RALGPS1: variants seen among roughly 807,000 people sequenced by gnomAD.
The protein encoded by RALGPS1 is ras-specific guanine nucleotide-releasing factor RalGPS1.
Under a neutral mutation model 78.8 loss-of-function variants are expected in RALGPS1, and 19 were observed. The observed-to-expected ratio is 0.24, with a 90% CI of 0.17 to 0.35. The LOEUF (loss-of-function observed/expected upper bound fraction) is 0.35. RALGPS1 is among the 10% of genes least tolerant of loss of function. The pLI, the probability that RALGPS1 is intolerant of heterozygous loss-of-function variation, is 1.00. For missense variants in RALGPS1, 454 were observed against 688.3 expected, an observed-to-expected ratio of 0.66 and a Z score of 3.81; for synonymous variants, 228 against 256.3, an observed-to-expected ratio of 0.89 and a Z score of 1.06.
intron 4 of RALGPS1, among the ~76,000 whole-genome samples, chr9:127,020,097 T>TC (rs1371672115): frequency 6.6e-6 from 1 of 152,180 alleles, no homozygotes; most frequent in African/African-American, 2.4e-5. Flanking sequence ...GATTTTTTTT[T>TC]CCGTCACTTT....
chr9:127,173,173 G>A (rs533491315), intron 10 of RALGPS1, among the ~76,000 whole-genome samples: 29 of 152,302 alleles, frequency 1.9e-4, no homozygotes, highest in African/African-American at 2.6e-4. Context: ...AAAGGCCTAT[G>A]TTGGAGTTTC....
At position 127,050,096 on chromosome 9, in the gene RALGPS1, G is replaced by A. The variant is rs200148598; in HGVS notation, c.354G>A (p.Arg118=). The A allele has an allele frequency of 1.5e-4, 237 of 1,613,848 alleles. No individual in the cohort carries two copies. The highest frequency in any genetic ancestry group is 1.7e-4 in the Non-Finnish European group (198 of 1,179,874). The change falls in exon 6 of 19, where the codon AGG becomes AGA. Residue 118 remains arginine, a synonymous_variant. Transcript: ENST00000259351. ...EILTAQTLKI[R]AEILSHFVKI... ...TAACAGCACAGACTTTAAAAATAAG[G>A]GCAGAAATCCTCAGCCATTTTGTGA... is the stretch of plus-strand genomic sequence containing the variant.
chr9:127,070,197 G>A lies in RALGPS1; in HGVS notation c.610+841G>A, dbSNP rs187279386. Among the ~76,000 whole-genome samples the A allele has an allele frequency of 7.9e-5, 12 of 152,256 alleles. 1 individual carries two copies. Among genetic ancestry groups the A allele is most frequent in the Non-Finnish European group, 1.6e-4 (11 of 68,022 alleles). ...ATGTGCAGTTCACAGTAGGGTTCGC[G>A]CTCCTATGAGAATCTAATGCTGCCA... is the stretch of plus-strand genomic sequence containing the variant. On this transcript the variant is annotated intron_variant, in intron 8 of 18. Coordinates refer to ENST00000259351, the MANE Select transcript of RALGPS1 (RefSeq NM_014636.3).
chr9:127,043,725 T>C (rs1156765830), intron 5 of RALGPS1, among the ~76,000 whole-genome samples: 1 of 152,140 alleles, frequency 6.6e-6, no homozygotes, highest in Non-Finnish European at 1.5e-5. Context: ...AGGAGTTGTA[T>C]CCAAAATTTA....
At position 127,212,510 on chromosome 9, in the gene RALGPS1, C is replaced by T; in HGVS notation, c.1354-117C>T. 1.2e-5 allele frequency: 9 copies of T among 746,454 alleles called. No individual in the cohort carries two copies. The highest frequency in any genetic ancestry group is 1.5e-5 in the Non-Finnish European group (7 of 465,840). 46.2% of individuals were successfully genotyped at this position (746,454 alleles called of 1,614,324 possible). ...GCATTGCCAGGGGGTGGTGGAGGGCCAGGGAAGAGATGGGGCCTGCACTGG... is the reference window on the plus strand; with the variant it reads ...GCATTGCCAGGGGGTGGTGGAGGGCTAGGGAAGAGATGGGGCCTGCACTGG... On this transcript the variant is annotated intron_variant, in intron 15 of 18. Coordinates refer to ENST00000259351, the MANE Select transcript of RALGPS1 (RefSeq NM_014636.3). This position sits in a 1 kb window ranked among gnomAD's most constrained non-coding sequence, Gnocchi z 6.0.
intron 1 of RALGPS1, among the ~76,000 whole-genome samples, chr9:126,944,331 A>G (rs1282516486): frequency 6.6e-6 from 1 of 152,222 alleles, no homozygotes; most frequent in African/African-American, 2.4e-5. Context: ...GCTTGGTACC[A>G]GCCAGACCAG....
intron 1 of RALGPS1, among the ~76,000 whole-genome samples, chr9:126,925,010 C>T (rs1447534647): frequency 6.6e-6 from 1 of 151,992 alleles, no homozygotes; most frequent in South Asian, 2.1e-4. Flanking sequence ...GCCTGTAATC[C>T]CAGCTACTGA....
At chr9:127,092,081 CCACCT>C (rs2136433392) in intron 8 of RALGPS1, 1 of 992,884 alleles carries the variant, frequency 1.0e-6, no homozygotes, top group East Asian at 2.4e-5. Context: ...GACCCCTACT[CCACCT>C]CTTAATCTCT....
intron 1 of RALGPS1, among the ~76,000 whole-genome samples, chr9:126,943,893 G>C (rs2037008133): frequency 6.6e-6 from 1 of 152,204 alleles, no homozygotes; most frequent in Non-Finnish European, 1.5e-5. Flanking sequence ...AATGTAATGT[G>C]GGTATCCTGT....
intron 1 of RALGPS1, among the ~76,000 whole-genome samples, chr9:126,957,802 C>T (rs138129771): frequency 6.6e-6 from 1 of 152,146 alleles, no homozygotes; most frequent in East Asian, 1.9e-4. Context: ...TCAGTGCCGT[C>T]TCTTCTGCAC....
intron 11 of RALGPS1, among the ~76,000 whole-genome samples, chr9:127,186,640 C>A (rs1313990854): frequency 1.3e-5 from 2 of 152,236 alleles, no homozygotes; most frequent in Non-Finnish European, 2.9e-5. Context: ...AATGGGAATT[C>A]TTCTGCTTCC....
intron 8 of RALGPS1, among the ~76,000 whole-genome samples, chr9:127,154,373 C>T (rs951373720): frequency 3.3e-5 from 5 of 152,220 alleles, no homozygotes; most frequent in African/African-American, 1.2e-4. Context: ...TGAAAGCCTG[C>T]GACCTCCCCA....
intron 11 of RALGPS1, among the ~76,000 whole-genome samples, chr9:127,184,679 A>G (rs949289391): frequency 6.6e-6 from 1 of 152,234 alleles, no homozygotes; most frequent in African/African-American, 2.4e-5. Flanking sequence ...GGTACCTGCA[A>G]GAGCACCCGG....
At chr9:127,049,855 C>T (rs374145330) in intron 5 of RALGPS1, among the ~76,000 whole-genome samples, 188 bp from the exon 6 acceptor site, 2 of 152,326 alleles carry the variant, frequency 1.3e-5, no homozygotes, top group African/African-American at 4.8e-5. Flanking sequence ...GCTGAGAACA[C>T]GGCCCATTTG....
chr9:127,166,776 G>A (rs1367582681), intron 9 of RALGPS1, among the ~76,000 whole-genome samples: 4 of 152,198 alleles, frequency 2.6e-5, no homozygotes, highest in Non-Finnish European at 5.9e-5. Flanking sequence ...GTAAGCGACT[G>A]GCCACACTCT....
At chr9:127,046,546 A>G (rs193224640) in intron 5 of RALGPS1, among the ~76,000 whole-genome samples, 4 of 152,266 alleles carry the variant, frequency 2.6e-5, no homozygotes, top group East Asian at 3.9e-4. Flanking sequence ...AAGAGTACCA[A>G]TGTCTACATG....
At chr9:127,133,825 G>A (rs751967617) in intron 8 of RALGPS1, among the ~76,000 whole-genome samples, 5 of 151,950 alleles carry the variant, frequency 3.3e-5, no homozygotes, top group Non-Finnish European at 5.9e-5. Flanking sequence ...CCAGACACTC[G>A]GCCTATTTTG....
rs772089288 is a variant in RALGPS1 at position 127,050,182 on chromosome 9, C to T, written c.390+50C>T. 3.6e-6 allele frequency: 5 copies of T among 1,385,190 alleles called. No homozygotes were observed. The South Asian group carries it at 4.6e-5, about 13-fold the overall frequency. The allele number at this position is 1,385,190 out of a possible 1,614,324, so 85.8% of individuals were successfully genotyped here. Reference sequence around the variant, plus strand: ...CTTCCTTTCCCTCTTCTCTCCCACACCTCCTCCCCAAAAATATGTTTCCTC... The same window carrying T: ...CTTCCTTTCCCTCTTCTCTCCCACATCTCCTCCCCAAAAATATGTTTCCTC... On this transcript the variant is annotated intron_variant, in intron 6 of 18. Transcript: ENST00000259351.
intron 4 of RALGPS1, among the ~76,000 whole-genome samples, chr9:126,995,599 A>G (rs1382088431): frequency 6.6e-6 from 1 of 152,142 alleles, no homozygotes; most frequent in Non-Finnish European, 1.5e-5. Flanking sequence ...TTAACACCCC[A>G]CTGTCAACAT....
Sources: allele counts gnomAD v4.1 joint callset (sites outside exome capture counted in the v4.1 genomes callset), GRCh38; gene constraint gnomAD v4.1.1; non-coding constraint Gnocchi (gnomAD v3.1); transcripts MANE v1.5; gene names NCBI Gene and HGNC (gene_info 2026-07-23, HGNC 2026-07-21).